Variants in CDH12 observed in about 807,000 individuals in gnomAD.
CDH12 encodes the protein cadherin-12.
CDH12 carries 41 observed loss-of-function variants against 74.1 expected under a neutral mutation model. The observed-to-expected ratio is 0.55, with a 90% CI of 0.43 to 0.72. The LOEUF is 0.72. Ranked by LOEUF, CDH12 falls within the 30% of genes least tolerant of loss-of-function variation. The probability of loss-of-function intolerance (pLI) is 0.00; values close to 1 mark genes in which losing one functional copy is unlikely to be tolerated. For synonymous variants in CDH12, 399 were observed against 355.0 expected, an observed-to-expected ratio of 1.12 and a Z score of -1.39; for missense variants, 945 against 977.2, an observed-to-expected ratio of 0.97 and a Z score of 0.44.
At chr5:22,359,911 T>G (rs1283132293) in intron 3 of CDH12, among the ~76,000 whole-genome samples, 8 of 152,018 alleles carry the variant, frequency 5.3e-5, no homozygotes, top group Admixed American at 2.0e-4. Flanking sequence ...TACCAGAATC[T>G]ATGGGATACA....
chr5:22,575,159 C>G (rs1739722009), intron 1 of CDH12, among the ~76,000 whole-genome samples: 1 of 152,066 alleles, frequency 6.6e-6, no homozygotes, highest in African/African-American at 2.4e-5. Flanking sequence ...AGAAATAGAT[C>G]CCTCACCCAG....
At chr5:22,560,429 T>C (rs555449579) in intron 1 of CDH12, among the ~76,000 whole-genome samples, 23 of 152,234 alleles carry the variant, frequency 1.5e-4, no homozygotes, top group African/African-American at 5.5e-4. Context: ...AACCTATCCC[T>C]TCAGATAAGA....
At chr5:22,290,932 A>G (rs1737359938) in intron 3 of CDH12, among the ~76,000 whole-genome samples, 2 of 152,176 alleles carry the variant, frequency 1.3e-5, no homozygotes, top group Non-Finnish European at 1.5e-5. Flanking sequence ...ACATTTAAAG[A>G]AGATCTAATA....
chr5:22,339,737 C>T (rs1258721483), intron 3 of CDH12, among the ~76,000 whole-genome samples: 1 of 152,122 alleles, frequency 6.6e-6, no homozygotes, highest in Non-Finnish European at 1.5e-5. Context: ...ACAATATTCA[C>T]AAGCCTTTAG....
In CDH12 at chr5:22,123,898, G is replaced by A. The variant is rs527675336; in HGVS notation, c.-186-45036C>T. Among the ~76,000 whole-genome samples the A allele has an allele frequency of 7.9e-5, 12 of 151,998 alleles. No individual in the cohort carries two copies. The South Asian group carries it at 2.5e-3, about 32-fold the overall frequency. On this transcript the variant is annotated intron_variant, in intron 4 of 14. Coordinates refer to ENST00000382254, the MANE Select transcript of CDH12 (RefSeq NM_004061.5). ...CAAAGTGTAGCATTTAAACAATAAG[G>A]TACATTATTTCGTTTCCTTGAGTTT...
rs1374016313 is a variant in CDH12, at chr5:22,541,719, T to A, written c.-522-36355A>T. 2.0e-5 allele frequency among the ~76,000 whole-genome samples: 3 copies of A among 152,212 alleles called. No individual in the cohort carries two copies. The East Asian group carries it at 5.8e-4, about 29-fold the overall frequency. Reference sequence around the variant, plus strand: ...GTATACCTTTCAAAATACATTTGCCTCCAGAGATTCAAAGGAGAGACCAAG... The same window carrying A: ...GTATACCTTTCAAAATACATTTGCCACCAGAGATTCAAAGGAGAGACCAAG... On this transcript the variant is annotated intron_variant, in intron 1 of 14. Transcript: ENST00000382254.
chr5:21,809,516 G>A (rs180995613), intron 9 of CDH12, among the ~76,000 whole-genome samples: 22 of 152,198 alleles, frequency 1.4e-4, no homozygotes, highest in African/African-American at 5.1e-4. Context: ...CATATACTAT[G>A]ATTTACAGCA....
In CDH12 at chr5:22,358,416, G is replaced by GA. The variant is rs545262517; in HGVS notation, c.-333+46840dup. 1.1e-3 allele frequency among the ~76,000 whole-genome samples: 162 copies of GA among 147,212 alleles called. 1 individual carries two copies. The South Asian group carries it at 0.017, about 16-fold the overall frequency. ...AGATAGAGCGAGACTCTGTCTCCCAGAAAAAAAAAAGAAATGCTAATAGCC... is the reference window on the plus strand; with the variant it reads ...AGATAGAGCGAGACTCTGTCTCCCAGAAAAAAAAAAAGAAATGCTAATAGCC... On this transcript the variant is annotated intron_variant, in intron 3 of 14. Coordinates refer to ENST00000382254, the MANE Select transcript of CDH12 (RefSeq NM_004061.5).
chr5:22,793,739 C>T (rs1748041400), intron 1 of CDH12, among the ~76,000 whole-genome samples: 3 of 150,532 alleles, frequency 2.0e-5, no homozygotes, highest in African/African-American at 4.9e-5. Context: ...ATCATGTGCC[C>T]GCACTCTTTA....
chr5:22,126,938 A>T (rs1299009656), intron 4 of CDH12, among the ~76,000 whole-genome samples: 1 of 152,234 alleles, frequency 6.6e-6, no homozygotes, highest in Non-Finnish European at 1.5e-5. Context: ...CCGTGTTAAA[A>T]TACGTCTTAT....
intron 5 of CDH12, among the ~76,000 whole-genome samples, chr5:21,992,945 C>T (rs1329532362): frequency 2.0e-5 from 3 of 152,082 alleles, no homozygotes; most frequent in Non-Finnish European, 2.9e-5. Flanking sequence ...TGGCAGAAGG[C>T]GAGGCACATC....
At chr5:22,319,120 A>G (rs1738754015) in intron 3 of CDH12, among the ~76,000 whole-genome samples, 2 of 152,188 alleles carry the variant, frequency 1.3e-5, no homozygotes, top group Non-Finnish European at 2.9e-5. Flanking sequence ...AGCTACTTAG[A>G]TTTTTAGATT....
intron 2 of CDH12, among the ~76,000 whole-genome samples, chr5:22,470,596 A>T (rs1348188793): frequency 6.6e-6 from 1 of 151,724 alleles, no homozygotes; most frequent in Non-Finnish European, 1.5e-5. Flanking sequence ...GTTTTAAAAA[A>T]TTTTTGTAGA....
Position 22,721,237 on chromosome 5 carries a change from G to A in CDH12, c.-523+131821C>T, listed in dbSNP as rs568771649. 4.6e-5 allele frequency among the ~76,000 whole-genome samples: 7 copies of A among 152,338 alleles called. No homozygotes were observed. In the South Asian group the frequency reaches 1.4e-3, roughly 32 times the overall value. On this transcript the variant is annotated intron_variant, in intron 1 of 14. Coordinates refer to ENST00000382254, the MANE Select transcript of CDH12 (RefSeq NM_004061.5). Reference sequence around the variant, plus strand: ...GCTCCAGCTCCAGCTGTGGCTAAAAGGGGCCAAGGTGGAGTGGATCAAGGC... The same window carrying A: ...GCTCCAGCTCCAGCTGTGGCTAAAAAGGGCCAAGGTGGAGTGGATCAAGGC...
chr5:21,830,930 T>G (rs1448603240), intron 8 of CDH12, among the ~76,000 whole-genome samples: 2 of 151,724 alleles, frequency 1.3e-5, no homozygotes, highest in African/African-American at 4.8e-5. Flanking sequence ...TCCCAGCTAC[T>G]CGGGAGGCTG....
At chr5:22,767,419 G>A (rs1285895081) in intron 1 of CDH12, among the ~76,000 whole-genome samples, 1 of 151,860 alleles carries the variant, frequency 6.6e-6, no homozygotes, top group Admixed American at 6.6e-5. Flanking sequence ...TTACTGTTCT[G>A]TTTGCATTTT....
intron 8 of CDH12, among the ~76,000 whole-genome samples, chr5:21,828,897 A>T (rs1324949364): frequency 2.3e-5 from 3 of 130,486 alleles, no homozygotes; most frequent in African/African-American, 8.5e-5. Context: ...ACAACCCTTT[A>T]AATCCTATGT....
chr5:22,171,768 A>G (rs1448473685), intron 4 of CDH12, among the ~76,000 whole-genome samples: 1 of 151,932 alleles, frequency 6.6e-6, no homozygotes, highest in Non-Finnish European at 1.5e-5. Flanking sequence ...CATAGCTCCT[A>G]TATTTACATT....
intron 9 of CDH12, among the ~76,000 whole-genome samples, chr5:21,812,731 A>C (rs1055065772): frequency 2.6e-5 from 4 of 152,156 alleles, no homozygotes; most frequent in Admixed American, 6.6e-5. Context: ...TACAATATAT[A>C]CAATAGATAG....
Sources: gnomAD v4.1 joint callset for allele counts (sites outside exome capture counted in the v4.1 genomes callset) on GRCh38, gnomAD v4.1.1 for gene constraint, MANE v1.5 for transcripts, NCBI Gene and HGNC (gene_info 2026-07-23, HGNC 2026-07-21) for gene names.